Variants in NPHP3 observed in about 807,000 individuals in gnomAD.
NPHP3 encodes the protein nephrocystin 3, also known as nephrocystin-3.
In NPHP3, 123 loss-of-function variants were observed where a neutral mutation model predicts 171.9. The ratio of observed to expected loss-of-function variants is 0.72; its 90% CI spans 0.62 to 0.83. NPHP3 has a LOEUF of 0.83. Among genes scored for constraint, NPHP3 ranks in the 40% least tolerant of loss-of-function variants. The probability of loss-of-function intolerance (pLI) is 0.00; values close to 1 mark genes in which losing one functional copy is unlikely to be tolerated. For synonymous variants in NPHP3, 558 were observed against 579.2 expected (o/e 0.96, Z 0.52); for missense variants, 1,506 against 1,591.9 (o/e 0.95, Z 0.92).
At chr3:132,710,484 G>A (rs2107993268) in intron 6 of NPHP3, among the ~76,000 whole-genome samples, 1 of 152,212 alleles carries the variant, frequency 6.6e-6, no homozygotes, top group East Asian at 1.9e-4. Context: ...ACCAGTCACA[G>A]TCGCCCCTCT....
chr3:132,716,237 T>C (rs1218466376), intron 4 of NPHP3, among the ~76,000 whole-genome samples: 6 of 152,244 alleles, frequency 3.9e-5, no homozygotes. Flanking sequence ...ATATAAATAG[T>C]TGTTATACTG....
chr3:132,701,129 A>ATG (rs1939595574), intron 10 of NPHP3, among the ~76,000 whole-genome samples: 1 of 140,486 alleles, frequency 7.1e-6, no homozygotes, highest in African/African-American at 3.0e-5. Context: ...ACTTAATAAC[A>ATG]TGTGTTATAT....
In NPHP3 at chr3:132,700,196, G is replaced by A. The variant is rs563069711; in HGVS notation, c.1744-135C>T. The A allele has an allele frequency of 3.7e-5, 46 of 1,233,642 alleles. 1 individual carries two copies. The East Asian group carries it at 9.2e-4, about 25-fold the overall frequency. The allele number at this position is 1,233,642 out of a possible 1,614,324, so 76.4% of individuals were successfully genotyped here. A position where few individuals can be genotyped will look rare whatever the true frequency, so the allele number is the denominator to read the frequency against. ...GTCACCAAGAGGACCCGATTGTATC[G>A]AATATTATTTTTAACCTTATATAAA... On this transcript the variant is annotated intron_variant, in intron 11 of 26. Transcript: ENST00000337331.
At chr3:132,692,269 G>A (rs1303227325) in intron 17 of NPHP3, among the ~76,000 whole-genome samples, 1 of 152,182 alleles carries the variant, frequency 6.6e-6, no homozygotes, top group African/African-American at 2.4e-5. Context: ...ACCTAATGAT[G>A]TGTTTCTCAG....
chr3:132,700,419 T>G lies in NPHP3; in HGVS notation c.1658A>C (p.Asn553Thr), dbSNP rs373846495. Reference sequence around the variant, plus strand: ...CACAAAATGGGAAAGAATCAGTGTGTTGGGGGAATTCTTCTGTTGTAATTG... The same window carrying G: ...CACAAAATGGGAAAGAATCAGTGTGGTGGGGGAATTCTTCTGTTGTAATTG... ...WIQLQQKNSPNTLILSHFVGR... is the reference protein window; with the variant it reads ...WIQLQQKNSPTTLILSHFVGR... Residue 553 changes from asparagine to threonine, a missense_variant, in exon 11 of 27, where the codon AAC (asparagine) becomes ACC (threonine). Coordinates refer to ENST00000337331, the MANE Select transcript of NPHP3 (RefSeq NM_153240.5). 5 of 1,611,702 alleles carry G rather than the reference T, an allele frequency of 3.1e-6. No individual in the cohort carries two copies. In the East Asian group the frequency reaches 1.1e-4, roughly 36 times the overall value.
At chr3:132,700,101 G>A (rs770143952) in intron 11 of NPHP3, 40 bp from the exon 12 acceptor site, 46 of 1,608,270 alleles carry the variant, frequency 2.9e-5, no homozygotes, top group Non-Finnish European at 3.8e-5. Flanking sequence ...GTAGTTACAC[G>A]TAGTTACTGA....
intron 1 of NPHP3, chr3:132,721,518 C>A (rs1940217051): frequency 3.5e-6 from 1 of 283,858 alleles, no homozygotes; most frequent in Non-Finnish European, 7.1e-6. Flanking sequence ...GTTGCTTCAA[C>A]AGATGTCACC....
intron 13 of NPHP3, among the ~76,000 whole-genome samples, chr3:132,698,886 C>T (rs912344918): frequency 4.6e-5 from 7 of 152,028 alleles, no homozygotes; most frequent in African/African-American, 1.7e-4. Context: ...TCTATCTAAC[C>T]TCCCCCCAAA....
chr3:132,699,261 AT>A, intron 13 of NPHP3, 91 bp downstream of exon 13: 1 of 859,400 alleles, frequency 1.2e-6, no homozygotes, highest in South Asian at 1.4e-5. Context: ...TACATAAAAA[AT>A]GTGAAAACCA....
chr3:132,712,381 G>C (rs1290770011), intron 6 of NPHP3: 1 of 455,766 alleles, frequency 2.2e-6, no homozygotes, highest in African/African-American at 2.0e-5. Flanking sequence ...TCTGTAAAAG[G>C]CCAGATAGTA....
intron 17 of NPHP3, among the ~76,000 whole-genome samples, chr3:132,691,713 G>A (rs1939303998): frequency 6.6e-6 from 1 of 152,112 alleles, no homozygotes; most frequent in Non-Finnish European, 1.5e-5. Context: ...CCATGGCATT[G>A]CAGATGATAG....
At chr3:132,717,802 C>T (rs1024192524) in intron 3 of NPHP3, among the ~76,000 whole-genome samples, 13 of 135,770 alleles carry the variant, frequency 9.6e-5, no homozygotes, top group African/African-American at 3.3e-4. Flanking sequence ...TCTGTTGCCA[C>T]ACTGGAGTGC....
chr3:132,716,736 T>C (rs745655811), intron 4 of NPHP3, 21 bp downstream of exon 4: 2 of 1,612,626 alleles, frequency 1.2e-6, no homozygotes, highest in Non-Finnish European at 1.7e-6. Context: ...AGGCAAGTAA[T>C]TGACAAACAG....
At chr3:132,706,318 T>C (rs768773064) in intron 7 of NPHP3, among the ~76,000 whole-genome samples, 5 of 147,408 alleles carry the variant, frequency 3.4e-5, no homozygotes, top group Admixed American at 6.8e-5. Context: ...GAGATCGCTC[T>C]ACTGCACTCC....
rs1939027137 is a variant in NPHP3, at chr3:132,681,511, TC to T, written c.*398del. 1 of 238,580 alleles carries T rather than the reference TC, an allele frequency of 4.2e-6. No homozygotes were observed. Among genetic ancestry groups the T allele is most frequent in the Non-Finnish European group, 8.3e-6 (1 of 120,222 alleles). 14.8% of individuals were successfully genotyped at this position (238,580 alleles called of 1,614,324 possible). ...TCCAACTCCTGGCCTCAAGTGATCC[TC>T]CTGCATCACCCTCCCAAAGTGGTGG... is the stretch of plus-strand genomic sequence containing the variant. On this transcript the variant is annotated 3_prime_UTR_variant, in exon 27 of 27. Coordinates refer to ENST00000337331, the MANE Select transcript of NPHP3 (RefSeq NM_153240.5).
At chr3:132,705,871 T>G in intron 7 of NPHP3, 57 bp from the exon 8 acceptor site, 1 of 918,988 alleles carries the variant, frequency 1.1e-6, no homozygotes, top group Non-Finnish European at 1.8e-6. Context: ...AAGGAAGTGG[T>G]GGTAAATACT....
chr3:132,704,332 C>G lies in NPHP3; in HGVS notation c.1390G>C (p.Asp464His), dbSNP rs1284632604. The G allele has an allele frequency of 6.2e-7, 1 of 1,614,160 alleles. No homozygotes were observed. Among genetic ancestry groups the G allele is most frequent in the Non-Finnish European group, 8.5e-7 (1 of 1,180,036 alleles). The change falls in exon 9 of 27, where the codon GAT (aspartate) becomes CAT (histidine). Residue 464 changes from aspartate to histidine, a missense_variant. By Grantham distance (81) the Asp-to-His change is moderately conservative. Around this residue, in one of 3 missense-constraint regions of NPHP3, gnomAD observed 930 missense variants for 924.9 expected, o/e 1.01. Transcript: ENST00000337331. ...GFENTDLETK[D>H]LGSEDSIPEE... ...GGAATGGAATCCTCACTGCCCAAAT[C>G]CTTAGTCTCCAAGTCTGTGTTCTCA...
intron 18 of NPHP3, 131 bp from the exon 19 acceptor site, chr3:132,690,781 T>A: frequency 1.1e-6 from 1 of 928,606 alleles, no homozygotes; most frequent in Non-Finnish European, 1.6e-6. Flanking sequence ...AATTTAATAC[T>A]AAAAAAGTTA....
intron 9 of NPHP3, among the ~76,000 whole-genome samples, chr3:132,702,026 A>AAAAC (rs373198014): frequency 0.013 from 2,052 of 152,140 alleles, 53 homozygotes; most frequent in African/African-American, 0.046. Context: ...ACTCCGTCTC[A>AAAAC]AAACAAACAA....
Sources: gnomAD v4.1 joint callset for allele counts (sites outside exome capture counted in the v4.1 genomes callset) on GRCh38, gnomAD v4.1.1 for gene constraint, gnomAD v4.1.1 regional missense constraint, MANE v1.5 for transcripts, NCBI Gene and HGNC (gene_info 2026-07-23, HGNC 2026-07-21) for gene names.